Variants in DLG2 observed in about 807,000 individuals in gnomAD.
The protein encoded by DLG2 is disks large homolog 2.
In DLG2, 45 loss-of-function variants were observed where a neutral mutation model predicts 132.5. The observed-to-expected ratio is 0.34, with a 90% CI of 0.27 to 0.44. DLG2 has a LOEUF of 0.44. DLG2 is among the 20% of genes least tolerant of loss of function. The pLI is 1.00. For synonymous variants in DLG2, 424 were observed against 419.6 expected, an observed-to-expected ratio of 1.01 and a Z score of -0.13; for missense variants, 1,045 against 1,196.9, an observed-to-expected ratio of 0.87 and a Z score of 1.87.
At chr11:84,869,060 T>C (rs1303653359) in intron 6 of DLG2, among the ~76,000 whole-genome samples, 1 of 152,136 alleles carries the variant, frequency 6.6e-6, no homozygotes, top group Admixed American at 6.5e-5. Flanking sequence ...CAGGACAGAG[T>C]AAAATGTACA....
intron 16 of DLG2, among the ~76,000 whole-genome samples, chr11:83,871,312 A>C (rs1360825073): frequency 1.3e-5 from 2 of 152,278 alleles, no homozygotes; most frequent in East Asian, 3.9e-4. Flanking sequence ...AACAGCAGTG[A>C]CTCTATGGTA....
Position 83,458,929 on chromosome 11 carries a change from C to G in DLG2, c.*889G>C, listed in dbSNP as rs1318740968. On this transcript the variant is annotated 3_prime_UTR_variant, in exon 28 of 28. Transcript: ENST00000376104. ...AAGTCTTTGTCAGACTTAAAAGGAA[C>G]TCAGATGCTCTTAACAGATCATTGG... 6.6e-6 allele frequency: 1 copy of G among 152,222 alleles called. No individual in the cohort carries two copies. The highest frequency in any genetic ancestry group is 1.5e-5 in the Non-Finnish European group (1 of 68,038). The allele number at this position is 152,222 out of a possible 1,614,324, so 9.4% of individuals were successfully genotyped here. A position where few individuals can be genotyped will look rare whatever the true frequency, so the allele number is the denominator to read the frequency against.
chr11:84,852,533 C>T (rs776174083), intron 6 of DLG2, among the ~76,000 whole-genome samples: 1 of 151,908 alleles, frequency 6.6e-6, no homozygotes, highest in African/African-American at 2.4e-5. Context: ...TTGTGGTATG[C>T]GTTTGCCATC....
At chr11:85,544,584 G>A (rs1050369116) in intron 3 of DLG2, among the ~76,000 whole-genome samples, 2 of 152,196 alleles carry the variant, frequency 1.3e-5, no homozygotes, top group Non-Finnish European at 2.9e-5. Flanking sequence ...ACTTTGGGCA[G>A]TATGGCCATT....
At chr11:85,185,366 G>A (rs1595170444) in intron 4 of DLG2, among the ~76,000 whole-genome samples, 1 of 151,878 alleles carries the variant, frequency 6.6e-6, no homozygotes, top group East Asian at 1.9e-4. Context: ...ACAGGATATG[G>A]GTTAAAGAAT....
intron 3 of DLG2, among the ~76,000 whole-genome samples, chr11:85,412,724 T>TTC (rs1366689613): frequency 6.9e-5 from 3 of 43,608 alleles, no homozygotes; most frequent in Non-Finnish European, 1.5e-4. Context: ...TGAGCAGTAT[T>TTC]TCACACACAC....
chr11:83,885,686 G>C (rs1010604755), intron 15 of DLG2, among the ~76,000 whole-genome samples: 2 of 152,128 alleles, frequency 1.3e-5, no homozygotes, highest in Non-Finnish European at 2.9e-5. Context: ...AAATGTTAAG[G>C]GCAGCCAGAG....
chr11:84,229,158 T>C (rs894675989), intron 8 of DLG2, among the ~76,000 whole-genome samples: 1 of 152,124 alleles, frequency 6.6e-6, no homozygotes, highest in African/African-American at 2.4e-5. Context: ...ATATTGTCTT[T>C]CAAATTATTT....
At chr11:83,467,654 G>A (rs1317992616) in intron 25 of DLG2, among the ~76,000 whole-genome samples, 1 of 151,432 alleles carries the variant, frequency 6.6e-6, no homozygotes, top group African/African-American at 2.4e-5. Context: ...AGAGGCTGAG[G>A]CAGGAGAATC....
At chr11:83,759,595 C>A (rs1049786637) in intron 18 of DLG2, among the ~76,000 whole-genome samples, 1 of 152,136 alleles carries the variant, frequency 6.6e-6, no homozygotes, top group African/African-American at 2.4e-5. Context: ...ACAAATTACA[C>A]TCATGCGGCT....
chr11:83,500,109 G>A (rs547939297), intron 21 of DLG2, among the ~76,000 whole-genome samples: 12 of 151,466 alleles, frequency 7.9e-5, no homozygotes, highest in Non-Finnish European at 1.6e-4. Flanking sequence ...TGCCCCTTCG[G>A]TACTTTGCAT....
chr11:83,633,403 C>G, intron 18 of DLG2, 78 bp from the exon 19 acceptor site: 1 of 1,170,882 alleles, frequency 8.5e-7, no homozygotes, highest in Non-Finnish European at 1.3e-6. Context: ...CAGGCAGCCC[C>G]TCACCCACGT....
At chr11:85,001,043 A>C (rs1037696756) in intron 6 of DLG2, among the ~76,000 whole-genome samples, 1 of 152,094 alleles carries the variant, frequency 6.6e-6, no homozygotes, top group African/African-American at 2.4e-5. Flanking sequence ...CCCTTAATAC[A>C]AGACAGCAAG....
intron 6 of DLG2, among the ~76,000 whole-genome samples, chr11:84,818,089 G>A (rs1010668910): frequency 2.6e-5 from 4 of 151,936 alleles, no homozygotes; most frequent in African/African-American, 7.3e-5. Context: ...CAACTCTTGA[G>A]CTCTGAAATA....
intron 9 of DLG2, among the ~76,000 whole-genome samples, chr11:84,113,376 C>T (rs1362477686): frequency 6.6e-6 from 1 of 152,148 alleles, no homozygotes; most frequent in Non-Finnish European, 1.5e-5. Flanking sequence ...ATTTACTGAA[C>T]ATCAGTTTTA....
intron 8 of DLG2, among the ~76,000 whole-genome samples, chr11:84,233,142 T>C (rs1254181828): frequency 6.6e-6 from 1 of 152,148 alleles, no homozygotes; most frequent in African/African-American, 2.4e-5. Context: ...TAGTCAGACA[T>C]GAGCAGGGCA....
intron 6 of DLG2, among the ~76,000 whole-genome samples, chr11:85,065,030 G>A (rs1315259341): frequency 6.6e-6 from 1 of 151,586 alleles, no homozygotes; most frequent in African/African-American, 2.4e-5. Context: ...AAAATTTCAA[G>A]AGGGGTGGAG....
intron 6 of DLG2, among the ~76,000 whole-genome samples, chr11:84,950,728 TACAC>T (rs35040490): frequency 6.7e-6 from 1 of 150,064 alleles, no homozygotes; most frequent in Non-Finnish European, 1.5e-5. Flanking sequence ...CGCACGTGCA[TACAC>T]ACACACACAC....
rs1019683 is a variant in DLG2, at chr11:84,348,377, A to C, written c.520-97086T>G. Reference sequence around the variant, plus strand: ...AAATTTTATTCTAGATCTCACTCTAAATTCTACATATTTGCTTTCAAGTCT... The same window carrying C: ...AAATTTTATTCTAGATCTCACTCTACATTCTACATATTTGCTTTCAAGTCT... On this transcript the variant is annotated intron_variant, in intron 7 of 27. Coordinates refer to ENST00000376104, the MANE Select transcript of DLG2 (RefSeq NM_001142699.3). Among the ~76,000 whole-genome samples, 501 of 152,290 alleles carry C rather than the reference A, an allele frequency of 3.3e-3. 21 individuals are homozygous for C. The East Asian group carries it at 0.075, about 23-fold the overall frequency.
Sources: gnomAD v4.1 joint callset for allele counts (sites outside exome capture counted in the v4.1 genomes callset) on GRCh38, gnomAD v4.1.1 for gene constraint, MANE v1.5 for transcripts, NCBI Gene and HGNC (gene_info 2026-07-23, HGNC 2026-07-21) for gene names.